CFAP43: variants seen among roughly 807,000 people sequenced by gnomAD.
The protein encoded by CFAP43 is cilia and flagella associated protein 43.
CFAP43 carries 155 observed loss-of-function variants against 218.9 expected under a neutral mutation model. That is an observed-to-expected ratio of 0.71 (90% confidence interval 0.62 to 0.81). CFAP43 has a LOEUF of 0.81. Among genes scored for constraint, CFAP43 ranks in the 30% least tolerant of loss-of-function variants. The probability of loss-of-function intolerance (pLI) is 0.00; values close to 1 mark genes in which losing one functional copy is unlikely to be tolerated. For missense variants in CFAP43, 1,778 were observed against 1,954.3 expected, an observed-to-expected ratio of 0.91 and a Z score of 1.70; for synonymous variants, 645 against 681.3, an observed-to-expected ratio of 0.95 and a Z score of 0.83.
intron 20 of CFAP43, among the ~76,000 whole-genome samples, chr10:104,171,447 G>T (rs2089408418): frequency 6.6e-6 from 1 of 152,108 alleles, no homozygotes; most frequent in African/African-American, 2.4e-5. Flanking sequence ...TAATAAACAT[G>T]TTTATCAGGA....
At chr10:104,196,433 C>T (rs939204822) in intron 10 of CFAP43, among the ~76,000 whole-genome samples, 1 of 152,072 alleles carries the variant, frequency 6.6e-6, no homozygotes, top group African/African-American at 2.4e-5. Context: ...TCAACAGCAC[C>T]CCCTCTCCCT....
chr10:104,153,818 C>T (rs1307063819), intron 27 of CFAP43, among the ~76,000 whole-genome samples: 1 of 151,438 alleles, frequency 6.6e-6, no homozygotes, highest in Admixed American at 6.6e-5. Flanking sequence ...CCTCTGCCCC[C>T]TACCTATCTA....
At chr10:104,231,334 G>A (rs2091443028) in intron 1 of CFAP43, among the ~76,000 whole-genome samples, 1 of 152,142 alleles carries the variant, frequency 6.6e-6, no homozygotes, top group South Asian at 2.1e-4. Context: ...CACAGATGAA[G>A]AGTATGTGGC....
intron 26 of CFAP43, among the ~76,000 whole-genome samples, chr10:104,161,639 T>C (rs2088879485): frequency 6.6e-6 from 1 of 152,178 alleles, no homozygotes; most frequent in East Asian, 1.9e-4. Flanking sequence ...TGGTATGTTT[T>C]TGGTTTTCTG....
chr10:104,191,795 G>GC (rs977150660), intron 12 of CFAP43, among the ~76,000 whole-genome samples: 17 of 148,132 alleles, frequency 1.1e-4, no homozygotes, highest in Non-Finnish European at 2.1e-4. Context: ...TGTGTGGGGG[G>GC]GGGGAAACAC....
chr10:104,160,839 G>T (rs917330444), intron 27 of CFAP43, among the ~76,000 whole-genome samples, 198 bp downstream of exon 27: 8 of 152,106 alleles, frequency 5.3e-5, no homozygotes, highest in Admixed American at 3.9e-4. Flanking sequence ...AAAAACTATT[G>T]CTGTATGTTT....
intron 5 of CFAP43, among the ~76,000 whole-genome samples, chr10:104,211,061 C>T (rs973880999): frequency 1.6e-4 from 25 of 152,004 alleles, no homozygotes; most frequent in East Asian, 7.8e-4. Context: ...AAAGGAAACA[C>T]TCTTTATCCT....
At chr10:104,136,276 A>G (rs145765143) in intron 34 of CFAP43, among the ~76,000 whole-genome samples, 1,969 of 134,042 alleles carry the variant, frequency 0.015, 86 homozygotes, top group African/African-American at 0.055. Flanking sequence ...AAAAAAAAAA[A>G]AAGAAGAAAA....
chr10:104,216,242 C>T (rs1451496565), intron 3 of CFAP43, among the ~76,000 whole-genome samples: 1 of 152,162 alleles, frequency 6.6e-6, no homozygotes, highest in Non-Finnish European at 1.5e-5. Context: ...ATCCTAAATC[C>T]AAAAGGCACT....
intron 34 of CFAP43, among the ~76,000 whole-genome samples, chr10:104,139,692 G>A (rs2087616895): frequency 6.6e-6 from 1 of 152,068 alleles, no homozygotes; most frequent in African/African-American, 2.4e-5. Context: ...AAAATGGAGA[G>A]AATTCATTAC....
chr10:104,136,767 C>T (rs2087473221), intron 34 of CFAP43, among the ~76,000 whole-genome samples: 1 of 152,142 alleles, frequency 6.6e-6, no homozygotes, highest in South Asian at 2.1e-4. Context: ...ATATAAAAAA[C>T]TCCTATAACT....
chr10:104,206,158 C>A, intron 6 of CFAP43, 128 bp from the exon 7 acceptor site: 1 of 691,730 alleles, frequency 1.4e-6, no homozygotes. Flanking sequence ...ATCATCAGAT[C>A]TATGTAACTA....
intron 4 of CFAP43, among the ~76,000 whole-genome samples, chr10:104,213,088 C>G (rs900375197): frequency 3.3e-5 from 5 of 152,188 alleles, no homozygotes; most frequent in African/African-American, 9.7e-5. Context: ...ATATCACCCA[C>G]TTTTATTAAA....
intron 20 of CFAP43, among the ~76,000 whole-genome samples, chr10:104,169,490 A>C (rs773036346): frequency 2.0e-5 from 3 of 152,272 alleles, no homozygotes; most frequent in Non-Finnish European, 4.4e-5. Context: ...ACTTGCTTAC[A>C]TAATCCTATT....
intron 14 of CFAP43, among the ~76,000 whole-genome samples, 179 bp from the exon 15 acceptor site, chr10:104,186,302 T>C (rs944038110): frequency 6.6e-6 from 1 of 152,228 alleles, no homozygotes; most frequent in Non-Finnish European, 1.5e-5. Flanking sequence ...TGCGTTTGCA[T>C]CATGTTTCCC....
At chr10:104,170,388 T>C (rs2089359497) in intron 20 of CFAP43, among the ~76,000 whole-genome samples, 1 of 151,944 alleles carries the variant, frequency 6.6e-6, no homozygotes, top group Non-Finnish European at 1.5e-5. Context: ...CAATGGTAAA[T>C]AGTTCAGTGG....
intron 14 of CFAP43, 109 bp downstream of exon 14, chr10:104,187,211 G>T: frequency 1.2e-6 from 1 of 817,814 alleles, no homozygotes; most frequent in Non-Finnish European, 1.7e-6. Context: ...GAAGGCATTT[G>T]TTAACTGAAC....
At position 104,140,933 on chromosome 10, in the gene CFAP43, A is replaced by G; in HGVS notation, c.4340T>C (p.Val1447Ala). 3 of 1,613,524 alleles carry G rather than the reference A, an allele frequency of 1.9e-6. No individual in the cohort carries two copies. Among genetic ancestry groups the G allele is most frequent in the Non-Finnish European group, 1.7e-6 (2 of 1,179,760 alleles). The part of the protein sequence containing the change: ...TIQILLKQGQ[V>A]ELENFQLVLE... The stretch of plus-strand genomic sequence containing the variant: ...TACTAGCTGGAAATTTTCCAGTTCT[A>G]CTTGTCCTTGTTTAAGAAGAATTTG... The change falls in exon 34 of 38, where the codon GTA becomes GCA. Residue 1447 changes from valine to alanine, a missense_variant. Physicochemically the swap from Val to Ala is moderately conservative, Grantham distance 64 (BLOSUM62 0). This residue lies in a region of CFAP43 where 14 missense variants were observed against 38.5 expected (regional missense o/e 0.36). Coordinates refer to ENST00000357060, the MANE Select transcript of CFAP43 (RefSeq NM_025145.7).
intron 1 of CFAP43, 93 bp downstream of exon 1, chr10:104,232,089 C>T (rs1374489003): frequency 6.9e-7 from 1 of 1,440,252 alleles, no homozygotes; most frequent in East Asian, 2.5e-5. Flanking sequence ...GGGAAAGCCG[C>T]CCTAAGGAAC....
Sources: allele counts gnomAD v4.1 joint callset (sites outside exome capture counted in the v4.1 genomes callset), GRCh38; gene constraint gnomAD v4.1.1; regional missense constraint gnomAD v4.1.1; transcripts MANE v1.5; gene names NCBI Gene and HGNC (gene_info 2026-07-23, HGNC 2026-07-21).